The following VWA8 variants were observed in gnomAD, a reference collection of about 807,000 sequenced individuals.
VWA8 encodes the protein von Willebrand factor A domain containing 8.
VWA8 carries 221 observed loss-of-function variants against 241.5 expected under a neutral mutation model. The ratio of observed to expected loss-of-function variants is 0.91; its 90% CI spans 0.82 to 1.02. The LOEUF (loss-of-function observed/expected upper bound fraction) is 1.02. Among genes scored for constraint, VWA8 ranks in the 50% least tolerant of loss-of-function variants. VWA8 has a pLI of 0.00. For synonymous variants in VWA8, 852 were observed against 827.1 expected (o/e 1.03, Z -0.52); for missense variants, 2,322 against 2,328.7 (o/e 1.00, Z 0.06).
At chr13:41,904,183 C>A (rs1042295388) in intron 4 of VWA8, among the ~76,000 whole-genome samples, 1 of 152,020 alleles carries the variant, frequency 6.6e-6, no homozygotes, top group South Asian at 2.1e-4. Flanking sequence ...TATAATGGTC[C>A]AACAAATAAA....
intron 2 of VWA8, among the ~76,000 whole-genome samples, chr13:41,922,413 C>T (rs557129366): frequency 2.0e-5 from 3 of 152,278 alleles, no homozygotes; most frequent in South Asian, 4.1e-4. Context: ...GCAATGGCAA[C>T]GGAAGCCAAA....
intron 19 of VWA8, among the ~76,000 whole-genome samples, chr13:41,782,019 G>T (rs530980828): frequency 6.6e-6 from 1 of 152,298 alleles, no homozygotes; most frequent in South Asian, 2.1e-4. Flanking sequence ...AGCATAAAAG[G>T]AAGTAATAAT....
At chr13:41,854,786 C>T (rs1872670279) in intron 12 of VWA8, among the ~76,000 whole-genome samples, 2 of 152,072 alleles carry the variant, frequency 1.3e-5, no homozygotes, top group Admixed American at 1.3e-4. Flanking sequence ...AGAGGGAGTA[C>T]ATATAAATTA....
At chr13:41,873,974 AG>A (rs1873770534) in intron 9 of VWA8, among the ~76,000 whole-genome samples, 1 of 152,202 alleles carries the variant, frequency 6.6e-6, no homozygotes, top group Non-Finnish European at 1.5e-5. Flanking sequence ...CATATCAAAA[AG>A]CTTATTCACC....
intron 35 of VWA8, among the ~76,000 whole-genome samples, chr13:41,676,092 T>C (rs1218174299): frequency 6.6e-6 from 1 of 152,126 alleles, no homozygotes; most frequent in African/African-American, 2.4e-5. Flanking sequence ...ACAGTATAAT[T>C]GCATCATGTT....
chr13:41,911,329 G>C (rs1875989133), intron 3 of VWA8, among the ~76,000 whole-genome samples: 1 of 152,146 alleles, frequency 6.6e-6, no homozygotes, highest in Non-Finnish European at 1.5e-5. Context: ...CTCCCAAAGG[G>C]CTGGGATTAC....
At chr13:41,863,445 A>ATT (rs1873128981) in intron 12 of VWA8, among the ~76,000 whole-genome samples, 1 of 111,932 alleles carries the variant, frequency 8.9e-6, no homozygotes, top group Non-Finnish European at 2.0e-5. Context: ...ATATATATAT[A>ATT]TATATATATT....
intron 4 of VWA8, among the ~76,000 whole-genome samples, chr13:41,904,730 A>G (rs532253730): frequency 6.6e-6 from 1 of 152,152 alleles, no homozygotes; most frequent in Non-Finnish European, 1.5e-5. Flanking sequence ...ATGTATTAAA[A>G]TTTTAGGGAT....
chr13:41,767,276 C>T (rs79529416), intron 20 of VWA8, among the ~76,000 whole-genome samples: 30,419 of 151,926 alleles, frequency 0.2, 3,015 homozygotes, highest in Middle Eastern at 0.23. Context: ...GAAATAAATT[C>T]CAATTGCTTT....
At chr13:41,900,341 A>C (rs948893616) in intron 4 of VWA8, among the ~76,000 whole-genome samples, 1 of 152,170 alleles carries the variant, frequency 6.6e-6, no homozygotes, top group African/African-American at 2.4e-5. Flanking sequence ...CAAAGTAGAA[A>C]TTAGACCATC....
At chr13:41,818,341 G>C (rs924891855) in intron 15 of VWA8, among the ~76,000 whole-genome samples, 3 of 150,900 alleles carry the variant, frequency 2.0e-5, no homozygotes, top group African/African-American at 4.8e-5. Context: ...GAGGCCAAGG[G>C]GGGGTGGATC....
chr13:41,571,328 G>GTCTCCCTCTCCCGTCTCCC (rs2044301813), intron 43 of VWA8, among the ~76,000 whole-genome samples: 1 of 98,462 alleles, frequency 1.0e-5, no homozygotes, highest in Non-Finnish European at 2.0e-5. Context: ...TCCCTCTCCC[G>GTCTCCCTCTCCCGTCTCCC]TCTCCCTCTC....
intron 12 of VWA8, chr13:41,864,571 C>A: frequency 2.3e-6 from 1 of 428,308 alleles, no homozygotes; most frequent in Non-Finnish European, 4.6e-6. Context: ...GTAAAATAAA[C>A]TAGACAAGAA....
intron 12 of VWA8, among the ~76,000 whole-genome samples, chr13:41,851,743 G>A (rs1872541045): frequency 6.6e-6 from 1 of 152,094 alleles, no homozygotes; most frequent in South Asian, 2.1e-4. Flanking sequence ...TCAGCAGTGT[G>A]AAAATGGATT....
intron 37 of VWA8, among the ~76,000 whole-genome samples, chr13:41,626,381 C>G (rs2044691164): frequency 6.6e-6 from 1 of 152,080 alleles, no homozygotes; most frequent in Admixed American, 6.6e-5. Context: ...TCCTATCAAA[C>G]TACCAATATC....
At chr13:41,841,133 T>G (rs1233079904) in intron 12 of VWA8, among the ~76,000 whole-genome samples, 1 of 152,170 alleles carries the variant, frequency 6.6e-6, no homozygotes, top group Non-Finnish European at 1.5e-5. Context: ...AAGTATATTA[T>G]GACAATGAAC....
At chr13:41,815,706 A>G (rs1870661391) in intron 16 of VWA8, among the ~76,000 whole-genome samples, 1 of 152,222 alleles carries the variant, frequency 6.6e-6, no homozygotes, top group African/African-American at 2.4e-5. Flanking sequence ...AGAAAAAATA[A>G]ATTTCTATTA....
chr13:41,960,918 C>T lies in VWA8; in HGVS notation c.98G>A (p.Arg33Lys). 4.7e-6 allele frequency: 7 copies of T among 1,501,406 alleles called. No homozygotes were observed. Among genetic ancestry groups the T allele is most frequent in the Non-Finnish European group, 6.2e-6 (7 of 1,132,382 alleles). 93.0% of individuals were successfully genotyped at this position (1,501,406 alleles called of 1,614,324 possible). The change falls in exon 1 of 45, where the codon AGG becomes AAG. Residue 33 changes from arginine to lysine, a missense_variant. By Grantham distance (26) the Arg-to-Lys change is conservative. Coordinates refer to ENST00000379310, the MANE Select transcript of VWA8 (RefSeq NM_015058.2). ...RLLLRQVVQR[R>K]PGGDRQRPEV... Reference sequence around the variant, plus strand: ...CGGCCGCTGCCTGTCGCCACCCGGCCTGCGCTGCACCACCTGCCGCAGGAG... The same window carrying T: ...CGGCCGCTGCCTGTCGCCACCCGGCTTGCGCTGCACCACCTGCCGCAGGAG...
chr13:41,761,246 TC>T (rs1180557534), intron 20 of VWA8, 42 bp from the exon 21 acceptor site: 2 of 1,581,724 alleles, frequency 1.3e-6, no homozygotes, highest in Non-Finnish European at 1.7e-6. Flanking sequence ...GAGGCTATTT[TC>T]TGGAGATAAG....
Sources: allele counts gnomAD v4.1 joint callset (sites outside exome capture counted in the v4.1 genomes callset), GRCh38; gene constraint gnomAD v4.1.1; transcripts MANE v1.5; gene names NCBI Gene and HGNC (gene_info 2026-07-23, HGNC 2026-07-21).